Variants in TRAF3IP1 observed in about 807,000 individuals in gnomAD.
The protein encoded by TRAF3IP1 is intraflagellar transport 54.
In TRAF3IP1, 53 loss-of-function variants were observed where a neutral mutation model predicts 89.9. The observed-to-expected ratio is 0.59, with a 90% CI of 0.47 to 0.74. The LOEUF is 0.74. Ranked by LOEUF, TRAF3IP1 falls within the 30% of genes least tolerant of loss-of-function variation. The pLI is 0.00. For synonymous variants in TRAF3IP1, 311 were observed against 322.1 expected, an observed-to-expected ratio of 0.97 and a Z score of 0.37; for missense variants, 806 against 866.1, an observed-to-expected ratio of 0.93 and a Z score of 0.87.
chr2:238,323,357 G>A (rs1697657033), intron 1 of TRAF3IP1, among the ~76,000 whole-genome samples: 1 of 152,202 alleles, frequency 6.6e-6, no homozygotes, highest in African/African-American at 2.4e-5. Flanking sequence ...GAGATTACAG[G>A]TGTGAGCTAC....
intron 15 of TRAF3IP1, among the ~76,000 whole-genome samples, chr2:238,362,457 C>T (rs935202165): frequency 2.0e-5 from 3 of 152,144 alleles, no homozygotes; most frequent in Non-Finnish European, 4.4e-5. Context: ...GTGGCAGTGA[C>T]CCTGACGCCT....
At chr2:238,369,670 TC>T (rs1393756905) in intron 15 of TRAF3IP1, among the ~76,000 whole-genome samples, 20 of 152,196 alleles carry the variant, frequency 1.3e-4, no homozygotes, top group African/African-American at 4.1e-4. Context: ...TTCAGATTGT[TC>T]CTGACTGCAG....
Position 238,398,893 on chromosome 2 carries a change from A to G in TRAF3IP1, c.2050A>G (p.Ser684Gly), listed in dbSNP as rs752438613. ...AGAAAAAATCCAGAAAATGGTATAT[A>G]GTATCAATTTGACTTCGAGAAGGTG... ...NEEKIQKMVYSINLTSRR is the reference protein window; with the variant it reads ...NEEKIQKMVYGINLTSRR Residue 684 changes from serine to glycine, a missense_variant, in exon 17 of 17, where the codon AGT becomes GGT. Ser to Gly is a moderately conservative substitution (Grantham distance 56, BLOSUM62 0). Coordinates refer to ENST00000373327, the MANE Select transcript of TRAF3IP1 (RefSeq NM_015650.4). 1 of 1,609,186 alleles carries G rather than the reference A, an allele frequency of 6.2e-7. No homozygotes were observed. The highest frequency in any genetic ancestry group is 8.5e-7 in the Non-Finnish European group (1 of 1,178,838).
intron 15 of TRAF3IP1, among the ~76,000 whole-genome samples, chr2:238,362,744 C>T (rs964095965): frequency 1.1e-4 from 16 of 152,208 alleles, no homozygotes; most frequent in Admixed American, 8.5e-4. Context: ...CAAACTAGAA[C>T]GTGTCAAATT....
At position 238,399,209 on chromosome 2, in the gene TRAF3IP1, T is replaced by C. The variant is rs529880375; in HGVS notation, c.*290T>C. On this transcript the variant is annotated 3_prime_UTR_variant, in exon 17 of 17. Coordinates refer to ENST00000373327, the MANE Select transcript of TRAF3IP1 (RefSeq NM_015650.4). ...TGTTCTTTGTGTTTCTGCTGTAACC[T>C]GTTTAGTTCTGTACCAGAACTCTCT... is the stretch of plus-strand genomic sequence containing the variant. The C allele has an allele frequency of 1.8e-4, 48 of 270,526 alleles. No individual in the cohort carries two copies. Among genetic ancestry groups the C allele is most frequent in the African/African-American group, 1.0e-3 (47 of 44,824 alleles). The allele number at this position is 270,526 out of a possible 1,614,324, so 16.8% of individuals were successfully genotyped here. A position where few individuals can be genotyped will look rare whatever the true frequency, so the allele number is the denominator to read the frequency against.
At position 238,373,614 on chromosome 2, in the gene TRAF3IP1, G is replaced by A. The variant is rs1288657203; in HGVS notation, c.1689+17534G>A. On this transcript the variant is annotated intron_variant, in intron 15 of 16. Transcript: ENST00000373327. ...TTGCTTAGGATCGTCTTGGCAATGC[G>A]GGCTCTTTTTTGGTTCCATATGAAC... 2.6e-5 allele frequency among the ~76,000 whole-genome samples: 4 copies of A among 152,202 alleles called. No homozygotes were observed. In the East Asian group the frequency reaches 5.8e-4, roughly 22 times the overall value.
intron 15 of TRAF3IP1, among the ~76,000 whole-genome samples, chr2:238,363,740 T>A (rs1407314271): frequency 6.6e-6 from 1 of 152,078 alleles, no homozygotes; most frequent in Non-Finnish European, 1.5e-5. Flanking sequence ...GGTGGGCGGA[T>A]CACGAGGTCA....
At chr2:238,388,259 C>G (rs549251414) in intron 15 of TRAF3IP1, among the ~76,000 whole-genome samples, 250 of 151,700 alleles carry the variant, frequency 1.6e-3, no homozygotes, top group African/African-American at 5.9e-3. Flanking sequence ...CCTATAATCC[C>G]AGCTACTCGG....
At position 238,345,547 on chromosome 2, in the gene TRAF3IP1, T is replaced by C. The variant is rs1698852316; in HGVS notation, c.1261+949T>C. Among the ~76,000 whole-genome samples, 1 of 152,212 alleles carries C rather than the reference T, an allele frequency of 6.6e-6. No homozygotes were observed. The highest frequency in any genetic ancestry group is 2.4e-5 in the African/African-American group (1 of 41,452). On this transcript the variant is annotated intron_variant, in intron 9 of 16. Transcript: ENST00000373327. The surrounding 1 kb of genome is among the most constrained non-coding windows in gnomAD (Gnocchi z 4.7). ...ATTGGAAGAGCAGCGGGAGGCTAAT[T>C]ATATCTTTAGGAGGAGCAGTATAAT...
chr2:238,333,679 A>G (rs146456031), intron 6 of TRAF3IP1, among the ~76,000 whole-genome samples: 9 of 152,364 alleles, frequency 5.9e-5, no homozygotes, highest in Middle Eastern at 3.4e-3. Flanking sequence ...AGCACATCCA[A>G]TAAGACAGTG....
At position 238,348,282 on chromosome 2, in the gene TRAF3IP1, G is replaced by GTA. The variant is rs143322100; in HGVS notation, c.1283-470_1283-469dup. Among the ~76,000 whole-genome samples the GTA allele has an allele frequency of 1.4e-3, 210 of 150,812 alleles. 1 individual carries two copies. The highest frequency in any genetic ancestry group is 2.3e-3 in the Non-Finnish European group (156 of 67,694). On this transcript the variant is annotated intron_variant, in intron 10 of 16. Transcript: ENST00000373327. ...TAAATGAATATTCTTCTAGAACCCTGTATATATATATATGCATATGTATAT... is the reference window on the plus strand; with the variant it reads ...TAAATGAATATTCTTCTAGAACCCTGTATATATATATATATGCATATGTATAT...
At chr2:238,321,833 G>T (rs1044644856) in intron 1 of TRAF3IP1, among the ~76,000 whole-genome samples, 7 of 152,196 alleles carry the variant, frequency 4.6e-5, no homozygotes, top group African/African-American at 1.7e-4. Context: ...ACCTCACCTG[G>T]TGATGGTCCT....
chr2:238,346,382 AC>A (rs1698895876), intron 9 of TRAF3IP1, among the ~76,000 whole-genome samples: 1 of 151,774 alleles, frequency 6.6e-6, no homozygotes, highest in East Asian at 1.9e-4. Context: ...GTGCCAGGCT[AC>A]CCCCTGTGCT....
At position 238,343,412 on chromosome 2, in the gene TRAF3IP1, C is replaced by T. The variant is rs150315145; in HGVS notation, c.1160-1085C>T. Among the ~76,000 whole-genome samples the T allele has an allele frequency of 2.0e-3, 308 of 152,044 alleles. 3 individuals carry two copies. The highest frequency in any genetic ancestry group is 6.6e-3 in the African/African-American group (274 of 41,494). On this transcript the variant is annotated intron_variant, in intron 8 of 16. Coordinates refer to ENST00000373327, the MANE Select transcript of TRAF3IP1 (RefSeq NM_015650.4). ...ACCCTTTTTTTTTCAGACATGATCT[C>T]GCTCTTACATGCAGGCTGGAGAGTG...
At position 238,345,448 on chromosome 2, in the gene TRAF3IP1, T is replaced by C. The variant is rs1009574406; in HGVS notation, c.1261+850T>C. On this transcript the variant is annotated intron_variant, in intron 9 of 16. Transcript: ENST00000373327. The surrounding 1 kb of genome is among the most constrained non-coding windows in gnomAD (Gnocchi z 4.7). ...ACCAAGATCCCGGCTGGGATGCGAC[T>C]GCAGCAGGGCTGGCTCAGCCCAGAG... 5.3e-5 allele frequency among the ~76,000 whole-genome samples: 8 copies of C among 152,230 alleles called. No homozygotes were observed. Among genetic ancestry groups the C allele is most frequent in the African/African-American group, 1.9e-4 (8 of 41,462 alleles).
At chr2:238,387,055 A>G (rs534431336) in intron 15 of TRAF3IP1, among the ~76,000 whole-genome samples, 1 of 152,372 alleles carries the variant, frequency 6.6e-6, no homozygotes, top group South Asian at 2.1e-4. Context: ...GTTTTATTTA[A>G]TACAGTCACC....
intron 7 of TRAF3IP1, among the ~76,000 whole-genome samples, chr2:238,335,708 C>T (rs911741581): frequency 5.9e-4 from 90 of 151,830 alleles, no homozygotes; most frequent in African/African-American, 6.8e-4. Context: ...GAACACGTTG[C>T]GTGTACTTGG....
At chr2:238,384,384 A>ATGTATGTATG (rs1472029617) in intron 15 of TRAF3IP1, among the ~76,000 whole-genome samples, 3 of 87,060 alleles carry the variant, frequency 3.4e-5, no homozygotes, top group African/African-American at 8.9e-5. Flanking sequence ...ATGTATGTAT[A>ATGTATGTATG]TATATATATA....
intron 15 of TRAF3IP1, among the ~76,000 whole-genome samples, chr2:238,390,819 G>C (rs1374168024): frequency 6.6e-6 from 1 of 152,044 alleles, no homozygotes; most frequent in Non-Finnish European, 1.5e-5. Flanking sequence ...AAGTTAGGAG[G>C]TGGTGAGGCT....
Sources: allele counts gnomAD v4.1 joint callset (sites outside exome capture counted in the v4.1 genomes callset), GRCh38; gene constraint gnomAD v4.1.1; non-coding constraint Gnocchi (gnomAD v3.1); transcripts MANE v1.5; gene names NCBI Gene and HGNC (gene_info 2026-07-23, HGNC 2026-07-21).